ATP10B: variants seen among roughly 807,000 people sequenced by gnomAD.
The protein encoded by ATP10B is ATPase phospholipid transporting 10B (putative).
ATP10B carries 122 observed loss-of-function variants against 141.2 expected under a neutral mutation model. The observed-to-expected ratio is 0.86, with a 90% CI of 0.75 to 1.00. The LOEUF (loss-of-function observed/expected upper bound fraction) is 1.00. ATP10B is among the 50% of genes least tolerant of loss of function. The pLI, the probability that ATP10B is intolerant of heterozygous loss-of-function variation, is 0.00. For missense variants in ATP10B, 1,876 were observed against 1,825.3 expected, an observed-to-expected ratio of 1.03 and a Z score of -0.51; for synonymous variants, 685 against 692.0, an observed-to-expected ratio of 0.99 and a Z score of 0.16.
chr5:160,616,020 CCT>C (rs1757976044), intron 16 of ATP10B, 56 bp from the exon 17 acceptor site: 9 of 1,559,432 alleles, frequency 5.8e-6, no homozygotes, highest in Non-Finnish European at 7.9e-6. Flanking sequence ...AAGATAATTT[CCT>C]CTCTCTTCCC....
the ATP10B span, among the ~76,000 whole-genome samples, chr5:160,926,881 C>A: frequency 2.4e-4 from 37 of 152,338 alleles, no homozygotes; most frequent in South Asian, 3.3e-3. Context: ...ATCAAACACA[C>A]CTTCCTGTGT....
rs150681755 is a variant in ATP10B, at chr5:160,634,498, T to C, written c.1237A>G (p.Ile413Val). Residue 413 changes from isoleucine to valine, a missense_variant, in exon 12 of 26, where the codon ATT becomes GTT. By Grantham distance (29) the Ile-to-Val change is conservative. Coordinates refer to ENST00000327245, the MANE Select transcript of ATP10B (RefSeq NM_025153.3). ...GCGATGTTGAGGGCTCGACATTGAATGGATAAATCGGTCTCTTCATCATAC... is the reference window on the plus strand; with the variant it reads ...GCGATGTTGAGGGCTCGACATTGAACGGATAAATCGGTCTCTTCATCATAC... ...DLYDEETDLS[I>V]QCRALNIAED... 66 of 1,614,194 alleles carry C rather than the reference T, an allele frequency of 4.1e-5. No homozygotes were observed. In the East Asian group the frequency reaches 1.3e-3, roughly 31 times the overall value.
intron 1 of ATP10B, among the ~76,000 whole-genome samples, chr5:160,815,789 G>T (rs1163257559): frequency 2.0e-5 from 3 of 152,162 alleles, no homozygotes; most frequent in African/African-American, 4.8e-5. Flanking sequence ...AAATGTAAAA[G>T]AACAGAAATT....
intron 6 of ATP10B, among the ~76,000 whole-genome samples, chr5:160,684,332 T>A (rs941422202): frequency 2.0e-5 from 3 of 152,234 alleles, no homozygotes; most frequent in African/African-American, 7.2e-5. Context: ...ACCTCAGGAA[T>A]TGTTCAAATT....
chr5:160,669,708 T>C (rs1762550327), intron 7 of ATP10B, among the ~76,000 whole-genome samples: 1 of 148,790 alleles, frequency 6.7e-6, no homozygotes. Flanking sequence ...CAAGTGATTC[T>C]ACCGCCTCAG....
Position 160,563,951 on chromosome 5 carries a change from T to G in ATP10B, c.*1502A>C, listed in dbSNP as rs939824819. On this transcript the variant is annotated 3_prime_UTR_variant, in exon 26 of 26. Coordinates refer to ENST00000327245, the MANE Select transcript of ATP10B (RefSeq NM_025153.3). ...TGGCAGAGGCAGTGAAACAGTGTAT[T>G]AGCTCCAGGACAGTGCTGCAAATGG... 3 of 152,190 alleles carry G rather than the reference T, an allele frequency of 2.0e-5. No homozygotes were observed. Among genetic ancestry groups the G allele is most frequent in the African/African-American group, 7.2e-5 (3 of 41,440 alleles). 9.4% of individuals were successfully genotyped at this position (152,190 alleles called of 1,614,324 possible). A position where few individuals can be genotyped will look rare whatever the true frequency, so the allele number is the denominator to read the frequency against.
intron 7 of ATP10B, among the ~76,000 whole-genome samples, chr5:160,655,054 C>T (rs1266492977): frequency 6.6e-6 from 1 of 152,032 alleles, no homozygotes; most frequent in Non-Finnish European, 1.5e-5. Flanking sequence ...TCCTCTTGGC[C>T]CTATTTCTTT....
intron 24 of ATP10B, among the ~76,000 whole-genome samples, chr5:160,570,566 G>T (rs1188033970): frequency 2.6e-5 from 4 of 152,162 alleles, no homozygotes; most frequent in African/African-American, 9.7e-5. Context: ...GAGATTTAGA[G>T]CACTTTAACT....
At chr5:160,849,802 T>C (rs1386598026) in intron 1 of ATP10B, among the ~76,000 whole-genome samples, 1 of 152,090 alleles carries the variant, frequency 6.6e-6, no homozygotes, top group Non-Finnish European at 1.5e-5. Context: ...CATCTCTTAA[T>C]AAAAGGGTAT....
chr5:160,812,607 C>A (rs1773252855), intron 1 of ATP10B, among the ~76,000 whole-genome samples: 1 of 152,126 alleles, frequency 6.6e-6, no homozygotes, highest in Non-Finnish European at 1.5e-5. Context: ...ATGCAATTGA[C>A]ATACTGAAGG....
chr5:160,588,413 A>C (rs1454272721), intron 24 of ATP10B, among the ~76,000 whole-genome samples: 1 of 152,046 alleles, frequency 6.6e-6, no homozygotes, highest in Non-Finnish European at 1.5e-5. Context: ...GCTGGGGTGG[A>C]GAGTTCCATT....
intron 25 of ATP10B, 40 bp from the exon 26 acceptor site, chr5:160,565,940 A>G (rs751647591): frequency 1.3e-6 from 2 of 1,536,380 alleles, no homozygotes; most frequent in Non-Finnish European, 1.8e-6. Flanking sequence ...TCTGATTTCC[A>G]CTGACTTCAT....
intron 2 of ATP10B, among the ~76,000 whole-genome samples, chr5:160,746,132 C>A (rs948675302): frequency 3.9e-5 from 6 of 152,168 alleles, no homozygotes; most frequent in African/African-American, 1.2e-4. Context: ...AACATTCAAG[C>A]CAGGATTCCA....
At chr5:160,579,044 A>G (rs1262428834) in intron 24 of ATP10B, among the ~76,000 whole-genome samples, 1 of 151,524 alleles carries the variant, frequency 6.6e-6, no homozygotes, top group Non-Finnish European at 1.5e-5. Context: ...TTTCTTGTAA[A>G]TTTAAGTTCC....
intron 1 of ATP10B, among the ~76,000 whole-genome samples, chr5:160,801,418 T>C (rs1002513830): frequency 1.5e-4 from 23 of 152,138 alleles, no homozygotes; most frequent in African/African-American, 5.3e-4. Flanking sequence ...GACTGGGAGA[T>C]GTCTGATTTT....
the ATP10B span, among the ~76,000 whole-genome samples, chr5:160,860,630 CA>C: frequency 6.6e-6 from 1 of 151,942 alleles, no homozygotes; most frequent in South Asian, 2.1e-4. Context: ...AAAACATCAG[CA>C]ACTGCAGGTT....
chr5:160,888,126 C>A, the ATP10B span, among the ~76,000 whole-genome samples: 6 of 152,238 alleles, frequency 3.9e-5, no homozygotes, highest in Non-Finnish European at 8.8e-5. Flanking sequence ...AGTTGTTACA[C>A]AGGTCAAAAG....
chr5:160,888,496 C>G, the ATP10B span, among the ~76,000 whole-genome samples: 174 of 152,248 alleles, frequency 1.1e-3, 2 homozygotes, highest in African/African-American at 4.0e-3. Context: ...TAGAAGCCAC[C>G]CAGGGTCTGC....
chr5:160,856,039 A>G (rs1753990119), upstream of ATP10B, among the ~76,000 whole-genome samples: 1 of 151,848 alleles, frequency 6.6e-6, no homozygotes, highest in African/African-American at 2.4e-5. Context: ...TTTTTTCAAA[A>G]TTGTTTTAAC....
Sources: allele counts gnomAD v4.1 joint callset (sites outside exome capture counted in the v4.1 genomes callset), GRCh38; gene constraint gnomAD v4.1.1; transcripts MANE v1.5; gene names NCBI Gene and HGNC (gene_info 2026-07-23, HGNC 2026-07-21).